B3GALT1: variants seen among roughly 807,000 people sequenced by gnomAD.
The protein encoded by B3GALT1 is beta-1,3-galactosyltransferase 1.
B3GALT1 carries 10 observed loss-of-function variants against 23.2 expected under a neutral mutation model. The observed-to-expected ratio is 0.43, with a 90% CI of 0.27 to 0.73. The LOEUF is 0.73. Among genes scored for constraint, B3GALT1 ranks in the 30% least tolerant of loss-of-function variants. The pLI is 0.21. For missense variants in B3GALT1, 299 were observed against 405.4 expected, an observed-to-expected ratio of 0.74 and a Z score of 2.25; for synonymous variants, 156 against 141.5, an observed-to-expected ratio of 1.10 and a Z score of -0.73.
intron 1 of B3GALT1, among the ~76,000 whole-genome samples, chr2:167,383,060 C>A (rs938881721): frequency 3.9e-5 from 6 of 151,954 alleles, no homozygotes; most frequent in Non-Finnish European, 7.4e-5. Flanking sequence ...CCTTGAATAC[C>A]CTGACTTGAT....
intron 1 of B3GALT1, among the ~76,000 whole-genome samples, chr2:167,393,448 T>C (rs2105284328): frequency 6.6e-6 from 1 of 151,828 alleles, no homozygotes; most frequent in South Asian, 2.1e-4. Context: ...GCAACATGGA[T>C]CTCATTTTGT....
intron 4 of B3GALT1, among the ~76,000 whole-genome samples, chr2:167,850,732 C>T (rs1278801529): frequency 6.6e-6 from 1 of 151,886 alleles, no homozygotes; most frequent in East Asian, 1.9e-4. Flanking sequence ...AACCAAACGT[C>T]GTGTGTGCTC....
intron 1 of B3GALT1, among the ~76,000 whole-genome samples, chr2:167,384,196 A>G (rs1004433921): frequency 2.0e-5 from 3 of 152,222 alleles, no homozygotes; most frequent in Non-Finnish European, 4.4e-5. Context: ...TTTGAAAACT[A>G]TATTTAAATA....
At chr2:167,480,941 G>C (rs1200457792) in intron 1 of B3GALT1, among the ~76,000 whole-genome samples, 2 of 152,110 alleles carry the variant, frequency 1.3e-5, no homozygotes, top group African/African-American at 4.8e-5. Flanking sequence ...TGCTCATATG[G>C]CATCACTTAT....
intron 1 of B3GALT1, among the ~76,000 whole-genome samples, chr2:167,427,840 C>A (rs1698647349): frequency 6.6e-6 from 1 of 152,226 alleles, no homozygotes; most frequent in South Asian, 2.1e-4. Flanking sequence ...CACCATGTTT[C>A]TCACAACTTT....
chr2:167,636,408 A>ATT (rs1198702123), intron 2 of B3GALT1, among the ~76,000 whole-genome samples: 1 of 152,086 alleles, frequency 6.6e-6, no homozygotes, highest in Non-Finnish European at 1.5e-5. Flanking sequence ...TAGTTCAACC[A>ATT]TTGTGGAAGA....
chr2:167,418,678 CTTTTT>C (rs55702273), intron 1 of B3GALT1, among the ~76,000 whole-genome samples: 1 of 122,956 alleles, frequency 8.1e-6, no homozygotes. Flanking sequence ...ATTTCTTCCT[CTTTTT>C]TTTTTTTTTT....
intron 1 of B3GALT1, among the ~76,000 whole-genome samples, chr2:167,454,573 A>G: frequency 6.6e-6 from 1 of 152,200 alleles, no homozygotes; most frequent in Non-Finnish European, 1.5e-5. Flanking sequence ...AATATGCCTA[A>G]TGTAAATCTT....
intron 2 of B3GALT1, among the ~76,000 whole-genome samples, chr2:167,568,164 C>G (rs982736457): frequency 6.6e-6 from 1 of 152,062 alleles, no homozygotes; most frequent in Admixed American, 6.6e-5. Flanking sequence ...CAAGTTTTGG[C>G]AATTATGAGT....
intron 2 of B3GALT1, among the ~76,000 whole-genome samples, chr2:167,538,364 C>T (rs144615002): frequency 7.7e-4 from 117 of 152,162 alleles, no homozygotes; most frequent in African/African-American, 2.5e-3. Context: ...TCAGTATATA[C>T]GTATATGTGC....
chr2:167,393,161 G>A (rs1268958875), intron 1 of B3GALT1, among the ~76,000 whole-genome samples: 4 of 151,910 alleles, frequency 2.6e-5, no homozygotes, highest in African/African-American at 9.7e-5. Context: ...GTGAACCCGG[G>A]AGGCGGAGCT....
chr2:167,336,791 G>C (rs1258205560), intron 1 of B3GALT1, among the ~76,000 whole-genome samples: 1 of 151,958 alleles, frequency 6.6e-6, no homozygotes, highest in Non-Finnish European at 1.5e-5. Context: ...TAAATCAGTA[G>C]TTGGCCTATA....
intron 2 of B3GALT1, among the ~76,000 whole-genome samples, chr2:167,588,779 T>TTA (rs536458522): frequency 9.9e-4 from 150 of 151,318 alleles, no homozygotes; most frequent in South Asian, 6.7e-3. Context: ...AAGAAAATGG[T>TTA]TATATATATA....
At chr2:167,825,723 C>T (rs892007057) in intron 4 of B3GALT1, among the ~76,000 whole-genome samples, 13 of 152,090 alleles carry the variant, frequency 8.5e-5, no homozygotes, top group Non-Finnish European at 2.9e-5. Flanking sequence ...AAATGAGAGA[C>T]ACTGTGATTG....
intron 3 of B3GALT1, among the ~76,000 whole-genome samples, chr2:167,716,228 C>CACAGGCCT (rs1436275063): frequency 1.3e-5 from 2 of 152,226 alleles, no homozygotes; most frequent in Non-Finnish European, 1.5e-5. Flanking sequence ...CGGGCACCCC[C>CACAGGCCT]CACAGGCCTC....
chr2:167,533,228 C>T (rs1026203603), intron 2 of B3GALT1, among the ~76,000 whole-genome samples: 5 of 152,068 alleles, frequency 3.3e-5, no homozygotes, highest in African/African-American at 7.2e-5. Flanking sequence ...CTAGGATCTC[C>T]AGTGTAATAT....
At chr2:167,822,297 G>A (rs1689123233) in intron 4 of B3GALT1, among the ~76,000 whole-genome samples, 1 of 140,984 alleles carries the variant, frequency 7.1e-6, no homozygotes, top group African/African-American at 2.6e-5. Flanking sequence ...TCCAGGTTCA[G>A]AAGAGGTGCT....
intron 1 of B3GALT1, among the ~76,000 whole-genome samples, chr2:167,296,860 C>T (rs900302103): frequency 3.3e-5 from 5 of 152,070 alleles, no homozygotes; most frequent in African/African-American, 1.2e-4. Flanking sequence ...ATAGTGATAA[C>T]TTATATAGAA....
Position 167,714,057 on chromosome 2 carries a change from C to A in B3GALT1, c.-352+67091C>A. The A allele has an allele frequency of 3.3e-6, 5 of 1,536,984 alleles. No homozygotes were observed. In the South Asian group the frequency reaches 5.6e-5, roughly 17 times the overall value. On this transcript the variant is annotated intron_variant, in intron 3 of 4. Transcript: ENST00000392690. ...GATGAATCAGGCACATTTAAATGACCAGGATCATCTTTGGCATCATTTCTA... is the reference window on the plus strand; with the variant it reads ...GATGAATCAGGCACATTTAAATGACAAGGATCATCTTTGGCATCATTTCTA...
Sources: allele counts gnomAD v4.1 joint callset (sites outside exome capture counted in the v4.1 genomes callset), GRCh38; gene constraint gnomAD v4.1.1; transcripts MANE v1.5; gene names NCBI Gene and HGNC (gene_info 2026-07-23, HGNC 2026-07-21).